PTPRZ1: variants seen among roughly 807,000 people sequenced by gnomAD.
PTPRZ1 encodes the protein receptor-type tyrosine-protein phosphatase zeta.
In PTPRZ1, 82 loss-of-function variants were observed where a neutral mutation model predicts 214.1. The observed-to-expected ratio is 0.38, with a 90% CI of 0.32 to 0.46. The LOEUF is 0.46. Ranked by LOEUF, PTPRZ1 falls within the 20% of genes least tolerant of loss-of-function variation. The pLI, the probability that PTPRZ1 is intolerant of heterozygous loss-of-function variation, is 1.00. For missense variants in PTPRZ1, 2,603 were observed against 2,748.7 expected (o/e 0.95, Z 1.19); for synonymous variants, 945 against 987.9 (o/e 0.96, Z 0.81).
chr7:122,046,241 C>A (rs1482636823), intron 23 of PTPRZ1, among the ~76,000 whole-genome samples: 1 of 151,966 alleles, frequency 6.6e-6, no homozygotes, highest in Admixed American at 6.6e-5. Flanking sequence ...CAGAGCAAGA[C>A]CCTGTCTCTA....
rs558630733 is a variant in PTPRZ1, at chr7:121,925,572, A to G, written c.59-2584A>G. On this transcript the variant is annotated intron_variant, in intron 1 of 29. Coordinates refer to ENST00000393386, the MANE Select transcript of PTPRZ1 (RefSeq NM_002851.3). The stretch of plus-strand genomic sequence containing the variant: ...GAAATACTTTACTCAAGGCTGTTGC[A>G]GTAGGGGAGAGAAGCTGGATCCGAG... Among the ~76,000 whole-genome samples, 353 of 152,306 alleles carry G rather than the reference A, an allele frequency of 2.3e-3. 2 individuals carry two copies. The highest frequency in any genetic ancestry group is 8.2e-3 in the African/African-American group (341 of 41,558).
At chr7:121,887,680 G>T (rs556434037) in intron 1 of PTPRZ1, among the ~76,000 whole-genome samples, 1 of 152,240 alleles carries the variant, frequency 6.6e-6, no homozygotes, top group East Asian at 1.9e-4. Flanking sequence ...AAAGATGACT[G>T]TAGCCAGAAA....
At position 122,055,054 on chromosome 7, in the gene PTPRZ1, T is replaced by A. The variant is rs771634223; in HGVS notation, c.6495T>A (p.Leu2165=). The A allele has an allele frequency of 1.3e-6, 2 of 1,597,556 alleles. No homozygotes were observed. The highest frequency in any genetic ancestry group is 1.1e-5 in the South Asian group (1 of 89,786). ...AATGTCTATCTAATGAGGAAAAACT[T>A]ATAATTCAGGACTTTATCTTAGAAG... ...EHKCLSNEEK[L]IIQDFILEAT... The change falls in exon 27 of 30, where the codon CTT becomes CTA. Residue 2165 remains leucine (L), a synonymous_variant. Coordinates refer to ENST00000393386, the MANE Select transcript of PTPRZ1 (RefSeq NM_002851.3).
chr7:121,956,579 A>C (rs562328304), intron 2 of PTPRZ1, among the ~76,000 whole-genome samples: 11 of 152,360 alleles, frequency 7.2e-5, no homozygotes, highest in African/African-American at 2.4e-4. Context: ...TAGAAACATA[A>C]CCACTGCTCT....
chr7:121,992,563 T>C (rs1798001585), intron 8 of PTPRZ1, among the ~76,000 whole-genome samples: 1 of 152,202 alleles, frequency 6.6e-6, no homozygotes, highest in African/African-American at 2.4e-5. Context: ...GAAATGTGTA[T>C]AAATTTGAAA....
chr7:121,998,218 A>G (rs1387703104), intron 10 of PTPRZ1, among the ~76,000 whole-genome samples: 2 of 152,162 alleles, frequency 1.3e-5, no homozygotes, highest in African/African-American at 4.8e-5. Flanking sequence ...TATCCTTAAT[A>G]TTGGAGTTTA....
At chr7:122,017,486 G>A (rs915157741) in intron 12 of PTPRZ1, among the ~76,000 whole-genome samples, 1 of 151,814 alleles carries the variant, frequency 6.6e-6, no homozygotes, top group Non-Finnish European at 1.5e-5. Context: ...ATAGTTATAA[G>A]ACCAAACATC....
intron 1 of PTPRZ1, among the ~76,000 whole-genome samples, chr7:121,900,382 C>T (rs75178064): frequency 1.7e-3 from 259 of 152,302 alleles, no homozygotes; most frequent in East Asian, 0.015. Flanking sequence ...TGTGAAATCA[C>T]GCTGTTTTGA....
At position 122,054,595 on chromosome 7, in the gene PTPRZ1, T is replaced by C. The variant is rs189859129; in HGVS notation, c.6382-346T>C. Among the ~76,000 whole-genome samples the C allele has an allele frequency of 2.0e-4, 30 of 152,236 alleles. No homozygotes were observed. In the East Asian group the frequency reaches 5.2e-3, roughly 26 times the overall value. Reference sequence around the variant, plus strand: ...AGCTTTGATATTCAGTTCTTATCTATAAAGTTATTGTGTGACCATTACACA... The same window carrying C: ...AGCTTTGATATTCAGTTCTTATCTACAAAGTTATTGTGTGACCATTACACA... On this transcript the variant is annotated intron_variant, in intron 26 of 29. Coordinates refer to ENST00000393386, the MANE Select transcript of PTPRZ1 (RefSeq NM_002851.3).
At chr7:121,881,707 A>T (rs1436409275) in intron 1 of PTPRZ1, among the ~76,000 whole-genome samples, 1 of 152,012 alleles carries the variant, frequency 6.6e-6, no homozygotes, top group African/African-American at 2.4e-5. Flanking sequence ...ATGGTGATTG[A>T]CCTCATAGTC....
chr7:121,915,835 T>C (rs1795408564), intron 1 of PTPRZ1, among the ~76,000 whole-genome samples: 1 of 152,224 alleles, frequency 6.6e-6, no homozygotes, highest in South Asian at 2.1e-4. Flanking sequence ...ATCTTTGTCT[T>C]TGTGTTCTAT....
chr7:121,890,867 G>A (rs1375725924), intron 1 of PTPRZ1, among the ~76,000 whole-genome samples: 8 of 151,592 alleles, frequency 5.3e-5, no homozygotes, highest in East Asian at 1.9e-4. Context: ...TTGTAGAGAC[G>A]GAATTTATCT....
At chr7:121,896,813 A>G (rs1342180864) in intron 1 of PTPRZ1, among the ~76,000 whole-genome samples, 3 of 152,052 alleles carry the variant, frequency 2.0e-5, no homozygotes, top group Admixed American at 6.6e-5. Flanking sequence ...TATGCTAAGT[A>G]AAATAAGCCA....
chr7:122,036,583 T>A lies in PTPRZ1; in HGVS notation c.5285-17T>A. ...GTAGTCTGTGCTACAATGAAATATA[T>A]TCTCTTTATATTACAGATGATCATA... is the stretch of plus-strand genomic sequence containing the variant. On this transcript the variant is annotated splice_polypyrimidine_tract_variant and intron_variant, in intron 17 of 29. Transcript: ENST00000393386. 2 of 1,525,238 alleles carry A rather than the reference T, an allele frequency of 1.3e-6. No individual in the cohort carries two copies. The highest frequency in any genetic ancestry group is 1.8e-6 in the Non-Finnish European group (2 of 1,102,304). 94.5% of individuals were successfully genotyped at this position (1,525,238 alleles called of 1,614,324 possible). A position where few individuals can be genotyped will look rare whatever the true frequency, so the allele number is the denominator to read the frequency against.
chr7:121,927,624 G>A (rs75072835), intron 1 of PTPRZ1, among the ~76,000 whole-genome samples: 5,655 of 152,226 alleles, frequency 0.037, 118 homozygotes, highest in East Asian at 0.085. Context: ...ACATTTCTCC[G>A]AAACAACATA....
rs758965365 is a variant in PTPRZ1, at chr7:122,059,818, A to G, written c.6737A>G (p.Glu2246Gly). ...ACCCTTATGCACCAACTAGAAAAAGAAAATTCCGTGGATGTTTACCAGGTA... is the reference window on the plus strand; with the variant it reads ...ACCCTTATGCACCAACTAGAAAAAGGAAATTCCGTGGATGTTTACCAGGTA... ...LTTLMHQLEKENSVDVYQVAK... is the reference protein window; with the variant it reads ...LTTLMHQLEKGNSVDVYQVAK... Residue 2246 changes from glutamate to glycine, a missense_variant, in exon 29 of 30, where the codon GAA becomes GGA. Glu to Gly is a moderately conservative substitution (Grantham distance 98). Coordinates refer to ENST00000393386, the MANE Select transcript of PTPRZ1 (RefSeq NM_002851.3). 3.7e-6 allele frequency: 6 copies of G among 1,613,752 alleles called. No individual in the cohort carries two copies. The highest frequency in any genetic ancestry group is 5.1e-6 in the Non-Finnish European group (6 of 1,179,814).
chr7:122,046,348 C>T (rs1791980332), intron 23 of PTPRZ1, among the ~76,000 whole-genome samples: 1 of 152,054 alleles, frequency 6.6e-6, no homozygotes, highest in Non-Finnish European at 1.5e-5. Flanking sequence ...TTCAAGATTA[C>T]AGTGAGCTAT....
rs747111675 is a variant in PTPRZ1, at chr7:122,040,949, A to G, written c.5771A>G (p.His1924Arg). 4 of 1,587,334 alleles carry G rather than the reference A, an allele frequency of 2.5e-6. No individual in the cohort carries two copies. The highest frequency in any genetic ancestry group is 1.7e-5 in the Admixed American group (1 of 58,828). ...AGAAAGGCAGCCTATGCCAAGCGCCATGCAGTGGGGCCTGTTGTCGTCCAC... is the reference window on the plus strand; with the variant it reads ...AGAAAGGCAGCCTATGCCAAGCGCCGTGCAGTGGGGCCTGTTGTCGTCCAC... ...FVRKAAYAKR[H>R]AVGPVVVHCS... The change falls in exon 21 of 30, where the codon CAT (histidine) becomes CGT (arginine). Residue 1924 changes from histidine to arginine, a missense_variant. Coordinates refer to ENST00000393386, the MANE Select transcript of PTPRZ1 (RefSeq NM_002851.3).
chr7:121,883,025 G>A (rs558065521), intron 1 of PTPRZ1, among the ~76,000 whole-genome samples: 23 of 152,240 alleles, frequency 1.5e-4, no homozygotes, highest in African/African-American at 4.8e-4. Context: ...AAAAGAGAAG[G>A]TAGCAAATAC....
Sources: allele counts gnomAD v4.1 joint callset (sites outside exome capture counted in the v4.1 genomes callset), GRCh38; gene constraint gnomAD v4.1.1; transcripts MANE v1.5; gene names NCBI Gene and HGNC (gene_info 2026-07-23, HGNC 2026-07-21).